Variants in HOMER1 observed in about 807,000 individuals in gnomAD.
HOMER1 encodes homer protein homolog 1.
In HOMER1, 3 loss-of-function variants were observed where a neutral mutation model predicts 48.9. The observed-to-expected ratio is 0.06, with a 90% confidence interval of 0.03 to 0.16. The LOEUF (loss-of-function observed/expected upper bound fraction) is 0.16. HOMER1 is among the 10% of genes least tolerant of loss of function. HOMER1 has a pLI of 1.00. For missense variants in HOMER1, 247 were observed against 411.4 expected, an observed-to-expected ratio of 0.60 and a Z score of 3.46; for synonymous variants, 134 against 146.4, an observed-to-expected ratio of 0.92 and a Z score of 0.61.
At chr5:79,452,037 C>T (rs977241186) in intron 2 of HOMER1, among the ~76,000 whole-genome samples, 1 of 151,992 alleles carries the variant, frequency 6.6e-6, no homozygotes, top group African/African-American at 2.4e-5. Flanking sequence ...GTTCCGGGAC[C>T]CCTATGTATA....
chr5:79,469,544 T>C (rs141105919), intron 1 of HOMER1, among the ~76,000 whole-genome samples: 175 of 152,334 alleles, frequency 1.1e-3, no homozygotes, highest in Middle Eastern at 6.8e-3. Flanking sequence ...AGCACATCTG[T>C]TATTTTATGT....
chr5:79,507,000 T>A (rs904000184), intron 1 of HOMER1, among the ~76,000 whole-genome samples: 1 of 151,464 alleles, frequency 6.6e-6, no homozygotes, highest in Admixed American at 6.6e-5. Flanking sequence ...GATCACGAGG[T>A]CAGGAGTTCG....
intron 1 of HOMER1, among the ~76,000 whole-genome samples, chr5:79,481,564 A>C (rs746690537): frequency 1.3e-5 from 2 of 152,254 alleles, no homozygotes; most frequent in Non-Finnish European, 2.9e-5. Context: ...TGAGCTGCAC[A>C]GAAAAAGCAC....
intron 1 of HOMER1, among the ~76,000 whole-genome samples, chr5:79,500,959 G>GACACACACACACACACACACACACACAC (rs779298030): frequency 7.7e-6 from 1 of 129,948 alleles, no homozygotes. Context: ...GTGTGAGACA[G>GACACACACACACACACACACACACACAC]ACAGACACAC....
intron 4 of HOMER1, among the ~76,000 whole-genome samples, chr5:79,443,379 A>G (rs375587566): frequency 1.3e-5 from 2 of 152,208 alleles, no homozygotes; most frequent in African/African-American, 2.4e-5. Flanking sequence ...TAGAAATGCA[A>G]ATCCTTGGGT....
chr5:79,457,621 C>T (rs1042626097), intron 1 of HOMER1, among the ~76,000 whole-genome samples: 21 of 152,080 alleles, frequency 1.4e-4, no homozygotes, highest in African/African-American at 5.1e-4. Context: ...TGCTGTTGGC[C>T]ATCAGTTCAA....
chr5:79,448,966 GA>G (rs1453656801), intron 3 of HOMER1, among the ~76,000 whole-genome samples: 2 of 137,660 alleles, frequency 1.5e-5, no homozygotes, highest in African/African-American at 5.4e-5. Context: ...CTTTAAAGAA[GA>G]AAAAAAATTA....
At chr5:79,498,062 A>T (rs1257509355) in intron 1 of HOMER1, among the ~76,000 whole-genome samples, 1 of 152,224 alleles carries the variant, frequency 6.6e-6, no homozygotes, top group Non-Finnish European at 1.5e-5. Context: ...TGCCACTGTC[A>T]TACTAGACTC....
intron 1 of HOMER1, among the ~76,000 whole-genome samples, chr5:79,483,183 A>G (rs2112344750): frequency 6.6e-6 from 1 of 152,340 alleles, no homozygotes; most frequent in Admixed American, 6.5e-5. Context: ...CCTTAAGCAC[A>G]GTCTTGGGTT....
At chr5:79,466,094 T>G (rs539906589) in intron 1 of HOMER1, among the ~76,000 whole-genome samples, 1 of 152,254 alleles carries the variant, frequency 6.6e-6, no homozygotes, top group East Asian at 1.9e-4. Flanking sequence ...TCAAAGAAAC[T>G]TGCTTGGTAT....
At chr5:79,475,192 C>G (rs1319009125) in intron 1 of HOMER1, among the ~76,000 whole-genome samples, 1 of 151,778 alleles carries the variant, frequency 6.6e-6, no homozygotes, top group African/African-American at 2.4e-5. Flanking sequence ...TATCCCATCC[C>G]CCTTTTGAAG....
In HOMER1 at chr5:79,485,077, TAAAACAAAAC is replaced by T. The variant is rs70975755; in HGVS notation, c.5+27683_5+27692del. The stretch of plus-strand genomic sequence containing the variant: ...AATCTTGTTAGAACTGTGTCAAAAG[TAAAACAAAAC>T]AAAACAAAACAAAACAAAACAAAAC... On this transcript the variant is annotated intron_variant, in intron 1 of 8. Coordinates refer to ENST00000334082, the MANE Select transcript of HOMER1 (RefSeq NM_004272.5). Among the ~76,000 whole-genome samples, 156 of 149,416 alleles carry T rather than the reference TAAAACAAAAC, an allele frequency of 1.0e-3. 1 individual carries two copies. The highest frequency in any genetic ancestry group is 1.0e-3 in the Admixed American group (15 of 14,914).
At chr5:79,447,731 G>A (rs1300938261) in intron 3 of HOMER1, among the ~76,000 whole-genome samples, 1 of 152,132 alleles carries the variant, frequency 6.6e-6, no homozygotes, top group East Asian at 1.9e-4. Context: ...TGGTCTTTAA[G>A]ATGGATAACA....
At chr5:79,508,417 T>C (rs1342201932) in intron 1 of HOMER1, among the ~76,000 whole-genome samples, 3 of 152,220 alleles carry the variant, frequency 2.0e-5, no homozygotes, top group African/African-American at 7.2e-5. Flanking sequence ...CAACGGGTCA[T>C]AGCCAAAAAA....
intron 5 of HOMER1, among the ~76,000 whole-genome samples, chr5:79,429,625 G>A (rs1343620016): frequency 6.6e-6 from 1 of 152,170 alleles, no homozygotes; most frequent in African/African-American, 2.4e-5. Context: ...AAAACTCTCA[G>A]AAGAAAACAT....
intron 5 of HOMER1, among the ~76,000 whole-genome samples, chr5:79,407,058 G>A (rs569337772): frequency 7.9e-5 from 12 of 152,238 alleles, no homozygotes; most frequent in Admixed American, 6.5e-4. Flanking sequence ...GATGAGTGTC[G>A]AGCAGTGAGT....
At chr5:79,401,823 A>T in intron 6 of HOMER1, 76 bp downstream of exon 6, 1 of 1,404,030 alleles carries the variant, frequency 7.1e-7, no homozygotes, top group Non-Finnish European at 9.9e-7. Flanking sequence ...CCCTGTGCTG[A>T]ATCTACATGC....
intron 8 of HOMER1, among the ~76,000 whole-genome samples, chr5:79,379,188 T>C (rs1748876999): frequency 1.0e-5 from 1 of 99,000 alleles, no homozygotes; most frequent in Non-Finnish European, 1.9e-5. Context: ...TATTTTTATA[T>C]ATCTATAATA....
At chr5:79,511,741 C>T (rs1002778812) in intron 1 of HOMER1, among the ~76,000 whole-genome samples, 2 of 152,178 alleles carry the variant, frequency 1.3e-5, no homozygotes, top group Non-Finnish European at 2.9e-5. Context: ...AATTCTAACT[C>T]CAAAAGGAAG....
Sources: allele counts gnomAD v4.1 joint callset (sites outside exome capture counted in the v4.1 genomes callset), GRCh38; gene constraint gnomAD v4.1.1; transcripts MANE v1.5; gene names NCBI Gene and HGNC (gene_info 2026-07-23, HGNC 2026-07-21).